Variants in SMG9 observed in about 807,000 individuals in gnomAD.
SMG9 encodes the protein SMG9 nonsense mediated mRNA decay factor, also known as nonsense-mediated mRNA decay factor SMG9.
SMG9 carries 55 observed loss-of-function variants against 64.0 expected under a neutral mutation model. The observed-to-expected ratio is 0.86, with a 90% CI of 0.69 to 1.08. The LOEUF is 1.08. Among genes scored for constraint, SMG9 ranks in the 50% least tolerant of loss-of-function variants. The probability of loss-of-function intolerance (pLI) is 0.00; values close to 1 mark genes in which losing one functional copy is unlikely to be tolerated. For missense variants in SMG9, 554 were observed against 681.3 expected, an observed-to-expected ratio of 0.81 and a Z score of 2.08; for synonymous variants, 244 against 254.8, an observed-to-expected ratio of 0.96 and a Z score of 0.41.
At chr19:43,753,649 C>T (rs960204067) in intron 1 of SMG9, among the ~76,000 whole-genome samples, 2 of 151,784 alleles carry the variant, frequency 1.3e-5, no homozygotes, top group African/African-American at 4.8e-5. Flanking sequence ...TCAGTAGAGA[C>T]GGGGTTTCGC....
At chr19:43,734,031 A>C (rs376061164) in intron 10 of SMG9, 24 of 541,528 alleles carry the variant, frequency 4.4e-5, no homozygotes, top group East Asian at 2.5e-4. Flanking sequence ...AAGGAACGGC[A>C]TGTGCAAAGG....
chr19:43,731,414 G>GCC lies in SMG9; in HGVS notation c.*180_*181dup, dbSNP rs1968479334. On this transcript the variant is annotated 3_prime_UTR_variant, in exon 14 of 14. Coordinates refer to ENST00000270066, the MANE Select transcript of SMG9 (RefSeq NM_019108.4). The stretch of plus-strand genomic sequence containing the variant: ...ATCGCTCACAGTCACCCCCGGAACA[G>GCC]CCCCAACTGAGGGTGGGGGGCCTGG... 4.2e-6 allele frequency: 6 copies of GCC among 1,426,562 alleles called. No homozygotes were observed. Among genetic ancestry groups the GCC allele is most frequent in the Non-Finnish European group, 4.6e-6 (5 of 1,089,674 alleles). 88.4% of individuals were successfully genotyped at this position (1,426,562 alleles called of 1,614,324 possible).
At position 43,738,212 on chromosome 19, in the gene SMG9, G is replaced by A; in HGVS notation, c.819C>T (p.Ile273=). 6.2e-7 allele frequency: 1 copy of A among 1,614,020 alleles called. No individual in the cohort carries two copies. Among genetic ancestry groups the A allele is most frequent in the South Asian group, 1.1e-5 (1 of 91,070 alleles). Residue 273 remains isoleucine, a synonymous_variant, in exon 8 of 14, where the codon ATC becomes ATT. Transcript: ENST00000270066. ...ERIVFLDTQP[I]LSPSILDHLI... ...GATGGTCTAGGATAGAAGGGCTCAG[G>A]ATGGGCTGCAGCAAGGAAGAGAACA...
At chr19:43,750,543 G>T in intron 2 of SMG9, 49 bp downstream of exon 2, 1 of 1,562,274 alleles carries the variant, frequency 6.4e-7, no homozygotes, top group Non-Finnish European at 8.7e-7. Context: ...TGGCAGGTGC[G>T]TGGAACCAAA....
intron 6 of SMG9, 91 bp downstream of exon 6, chr19:43,744,681 G>T: frequency 1.2e-6 from 1 of 854,452 alleles, no homozygotes; most frequent in Non-Finnish European, 1.9e-6. Flanking sequence ...AAAGTCCTTT[G>T]GTAACACCAC....
intron 2 of SMG9, among the ~76,000 whole-genome samples, chr19:43,748,336 G>A (rs769080242): frequency 1.3e-5 from 2 of 152,228 alleles, no homozygotes; most frequent in African/African-American, 2.4e-5. Context: ...AGCCCAGGAG[G>A]AAAGGAACTA....
At position 43,732,903 on chromosome 19, in the gene SMG9, A is replaced by G; in HGVS notation, c.1439T>C (p.Met480Thr). 1 of 1,614,004 alleles carries G rather than the reference A, an allele frequency of 6.2e-7. No homozygotes were observed. The highest frequency in any genetic ancestry group is 8.5e-7 in the Non-Finnish European group (1 of 1,179,998). The stretch of plus-strand genomic sequence containing the variant: ...CGTGTGTGACAGCTGTGGCCGGGCC[A>G]TGGACATCACTTGGCTCCGGAGCTT... ...VSKLRSQVMS[M>T]ARPQLSHTIL... Residue 480 changes from methionine (M) to threonine (T), a missense_variant, in exon 13 of 14, where the codon ATG becomes ACG. Coordinates refer to ENST00000270066, the MANE Select transcript of SMG9 (RefSeq NM_019108.4).
At chr19:43,733,064 C>T in intron 12 of SMG9, 62 bp from the exon 13 acceptor site, 2 of 1,541,538 alleles carry the variant, frequency 1.3e-6, no homozygotes, top group South Asian at 1.2e-5. Context: ...TCCCAGTTAA[C>T]AGCATCCTGG....
intron 5 of SMG9, among the ~76,000 whole-genome samples, chr19:43,746,612 C>T (rs1181020656): frequency 6.6e-6 from 1 of 151,512 alleles, no homozygotes; most frequent in Middle Eastern, 3.2e-3. Context: ...AGAGGTGACA[C>T]CTCTGGGACA....
rs1968357360 is a variant in SMG9 at position 43,728,009 on chromosome 19, CATTT to C, written c.*3583_*3586del. 1 of 152,308 alleles carries C rather than the reference CATTT, an allele frequency of 6.6e-6. No homozygotes were observed. The highest frequency in any genetic ancestry group is 2.1e-4 in the South Asian group (1 of 4,832). 9.4% of individuals were successfully genotyped at this position (152,308 alleles called of 1,614,324 possible). A position where few individuals can be genotyped will look rare whatever the true frequency, so the allele number is the denominator to read the frequency against. The stretch of plus-strand genomic sequence containing the variant: ...TAAGGAGAAAGAGTATGTATTGGCT[CATTT>C]ATTTGCAAAGTTAGAGGATTGCAAA... On this transcript the variant is annotated 3_prime_UTR_variant, in exon 14 of 14. Transcript: ENST00000270066.
intron 9 of SMG9, among the ~76,000 whole-genome samples, chr19:43,735,059 CT>C (rs1330713585): frequency 5.3e-5 from 8 of 152,218 alleles, no homozygotes; most frequent in Non-Finnish European, 8.8e-5. Context: ...TCTCCAACCC[CT>C]GATCTTTTTA....
At chr19:43,750,907 C>T (rs534893450) in intron 1 of SMG9, among the ~76,000 whole-genome samples, 160 bp from the exon 2 acceptor site, 59 of 152,332 alleles carry the variant, frequency 3.9e-4, no homozygotes, top group African/African-American at 1.3e-3. Context: ...TCACTGCAAC[C>T]TCTGCCTCCT....
Position 43,734,451 on chromosome 19 carries a change from G to C in SMG9, c.1040C>G (p.Pro347Arg). 1.3e-6 allele frequency: 2 copies of C among 1,563,432 alleles called. No individual in the cohort carries two copies. Among genetic ancestry groups the C allele is most frequent in the Admixed American group, 1.9e-5 (1 of 52,488 alleles). The change falls in exon 10 of 14, where the codon CCC becomes CGC. Residue 347 changes from proline to arginine, a missense_variant. By Grantham distance (103) the Pro-to-Arg change is moderately radical. Coordinates refer to ENST00000270066, the MANE Select transcript of SMG9 (RefSeq NM_019108.4). ...CGATGAGCTGCTGGACTCGTGGCTG[G>C]GGGATGGGGTGGAGGGCTTCACCAT... ...AEMVKPSTPS[P>R]SHESSSSSGS...
chr19:43,734,561 G>T, intron 9 of SMG9, 66 bp from the exon 10 acceptor site: 1 of 1,077,084 alleles, frequency 9.3e-7, no homozygotes. Context: ...GCCTGGGACA[G>T]GGGCTTCCTT....
intron 6 of SMG9, 91 bp downstream of exon 6, chr19:43,744,681 G>C: frequency 1.2e-6 from 1 of 854,452 alleles, no homozygotes; most frequent in South Asian, 1.6e-5. Flanking sequence ...AAAGTCCTTT[G>C]GTAACACCAC....
chr19:43,754,445 TAAGTTTC>T (rs1481655166), intron 1 of SMG9: 1 of 152,208 alleles, frequency 6.6e-6, no homozygotes, highest in Non-Finnish European at 1.5e-5. Flanking sequence ...TCGCAGAGCA[TAAGTTTC>T]TCATTTACAC....
At chr19:43,750,862 T>C in intron 1 of SMG9, 115 bp from the exon 2 acceptor site, 1 of 985,624 alleles carries the variant, frequency 1.0e-6, no homozygotes, top group South Asian at 1.9e-5. Context: ...AGTCTCTCTG[T>C]CGCCCAGGCT....
In SMG9 at chr19:43,729,392, C is replaced by T. The variant is rs527532277; in HGVS notation, c.*2204G>A. 7 of 152,372 alleles carry T rather than the reference C, an allele frequency of 4.6e-5. No homozygotes were observed. Among genetic ancestry groups the T allele is most frequent in the African/African-American group, 1.7e-4 (7 of 41,548 alleles). The allele number at this position is 152,372 out of a possible 1,614,324, so 9.4% of individuals were successfully genotyped here. ...TTCAGACCTTCCTTGGCAACACTGA[C>T]CACAAGATCACAGGTGAATCCAATC... On this transcript the variant is annotated 3_prime_UTR_variant, in exon 14 of 14. Transcript: ENST00000270066.
chr19:43,731,091 A>T lies in SMG9; in HGVS notation c.*505T>A. The T allele has an allele frequency of 1.0e-6, 1 of 985,400 alleles. No homozygotes were observed. The highest frequency in any genetic ancestry group is 1.2e-6 in the Non-Finnish European group (1 of 829,748). 61.0% of individuals were successfully genotyped at this position (985,400 alleles called of 1,614,324 possible). A position where few individuals can be genotyped will look rare whatever the true frequency, so the allele number is the denominator to read the frequency against. On this transcript the variant is annotated 3_prime_UTR_variant, in exon 14 of 14. Coordinates refer to ENST00000270066, the MANE Select transcript of SMG9 (RefSeq NM_019108.4). ...ATCTGCCCGCAAGGGCTGGGTGTCC[A>T]ATTTGTCCTGCTTCCCAGAGCTGCA...
Sources: gnomAD v4.1 joint callset for allele counts (sites outside exome capture counted in the v4.1 genomes callset) on GRCh38, gnomAD v4.1.1 for gene constraint, MANE v1.5 for transcripts, NCBI Gene and HGNC (gene_info 2026-07-23, HGNC 2026-07-21) for gene names.